Variants in TPTE2 observed in about 807,000 individuals in gnomAD.
TPTE2 encodes the protein transmembrane phosphoinositide 3-phosphatase and tensin homolog 2, also known as phosphatidylinositol 3,4,5-trisphosphate 3-phosphatase TPTE2.
TPTE2 carries 53 observed loss-of-function variants against 78.6 expected under a neutral mutation model. The ratio of observed to expected loss-of-function variants is 0.67; its 90% CI spans 0.54 to 0.85. The LOEUF (loss-of-function observed/expected upper bound fraction) is 0.85. Among genes scored for constraint, TPTE2 ranks in the 40% least tolerant of loss-of-function variants. The probability of loss-of-function intolerance (pLI) is 0.00; values close to 1 mark genes in which losing one functional copy is unlikely to be tolerated. For missense variants in TPTE2, 461 were observed against 623.0 expected (o/e 0.74, Z 2.77); for synonymous variants, 175 against 206.2 (o/e 0.85, Z 1.30).
intron 1 of TPTE2, 149 bp downstream of exon 4, chr13:19,503,074 GC>G (rs1386545712): frequency 1.9e-6 from 2 of 1,079,820 alleles, no homozygotes; most frequent in Non-Finnish European, 1.4e-6. Context: ...TCCACTGTGT[GC>G]ATGGGTTAGT....
intron 7 of TPTE2, among the ~76,000 whole-genome samples, chr13:19,466,298 G>C (rs1481494715): frequency 6.6e-6 from 1 of 152,194 alleles, no homozygotes; most frequent in Non-Finnish European, 1.5e-5. Context: ...CTAGCAAGCT[G>C]TCAAGTGATG....
chr13:19,462,820 C>T (rs112360622), intron 10 of TPTE2, among the ~76,000 whole-genome samples: 2 of 151,936 alleles, frequency 1.3e-5, no homozygotes, highest in Non-Finnish European at 2.9e-5. Context: ...GCTGGGATTA[C>T]AGGTGTGAGC....
At position 19,436,272 on chromosome 13, in the gene TPTE2, T is replaced by C. The variant is rs373033596; in HGVS notation, c.1070A>G (p.Asn357Ser). ...CTGAAATTTATTGCTGTGGGTTTTA[T>C]TGGTTCGCCTTTCTCCAAAATAATA... The change falls in exon 15 of 20, where the codon AAT becomes AGT. Residue 357 changes from asparagine to serine, a missense_variant. By Grantham distance (46) the Asn-to-Ser change is conservative (BLOSUM62 1). Coordinates refer to ENST00000400230, the Ensembl canonical transcript of TPTE2. The C allele has an allele frequency of 1.1e-5, 18 of 1,613,406 alleles. No individual in the cohort carries two copies. Among genetic ancestry groups the C allele is most frequent in the African/African-American group, 2.7e-5 (2 of 74,914 alleles).
At chr13:19,495,377 C>CTGCAAGCAGGATTCGCTTCTCCCT (rs1941012740) in intron 1 of TPTE2, among the ~76,000 whole-genome samples, 2 of 152,322 alleles carry the variant, frequency 1.3e-5, no homozygotes, top group African/African-American at 4.8e-5. Context: ...CTCCTTCTCG[C>CTGCAAGCAGGATTCGCTTCTCCCT]TGCAAGCAGG....
intron 3 of TPTE2, among the ~76,000 whole-genome samples, chr13:19,483,888 C>A (rs1880504012): frequency 6.6e-6 from 1 of 151,880 alleles, no homozygotes; most frequent in South Asian, 2.1e-4. Context: ...ATTAACTCGT[C>A]ATTTACATTA....
intron 1 of TPTE2, among the ~76,000 whole-genome samples, chr13:19,524,024 G>A (rs879259370): frequency 4.1e-4 from 62 of 152,278 alleles, no homozygotes; most frequent in African/African-American, 1.4e-3. Context: ...AAAAAGCTGG[G>A]AATGAGATGT....
chr13:19,495,375 C>T (rs147020744), intron 1 of TPTE2, among the ~76,000 whole-genome samples: 1 of 152,172 alleles, frequency 6.6e-6, no homozygotes, highest in Admixed American at 6.5e-5. Context: ...ATCTCCTTCT[C>T]GCTGCAAGCA....
At chr13:19,520,649 A>C (rs990020379) in intron 1 of TPTE2, among the ~76,000 whole-genome samples, 1 of 151,782 alleles carries the variant, frequency 6.6e-6, no homozygotes, top group Non-Finnish European at 1.5e-5. Flanking sequence ...CTTTGGTTTC[A>C]GTTTGCCCTT....
chr13:19,449,996 C>T (rs1878071172), intron 13 of TPTE2, 80 bp downstream of exon 16: 1 of 1,442,282 alleles, frequency 6.9e-7, no homozygotes, highest in East Asian at 2.3e-5. Context: ...ATATTAATAG[C>T]AATACGTATC....
At chr13:19,498,221 A>G (rs1304653809) in intron 1 of TPTE2, among the ~76,000 whole-genome samples, 1 of 152,142 alleles carries the variant, frequency 6.6e-6, no homozygotes, top group Non-Finnish European at 1.5e-5. Context: ...TGGAAAAAAC[A>G]CTGCAGGATA....
chr13:19,483,189 G>A (rs543634840), intron 3 of TPTE2, among the ~76,000 whole-genome samples: 1 of 152,314 alleles, frequency 6.6e-6, no homozygotes, highest in East Asian at 1.9e-4. Context: ...CCAATGGTTG[G>A]AGTGGCTGAG....
chr13:19,539,366 T>G (rs1351746658), upstream of TPTE2, among the ~76,000 whole-genome samples: 1 of 152,184 alleles, frequency 6.6e-6, no homozygotes, highest in East Asian at 1.9e-4. Flanking sequence ...ATTCTTGTGA[T>G]AGTGAGTAAG....
At chr13:19,556,194 T>C in the TPTE2 span, among the ~76,000 whole-genome samples, 1 of 152,152 alleles carries the variant, frequency 6.6e-6, no homozygotes, top group Admixed American at 6.5e-5. Flanking sequence ...TGCACTTCCT[T>C]TTTATCATAC....
rs143988516 is a variant in TPTE2, at chr13:19,439,227, C to G, written c.974-1074G>C. On this transcript the variant is annotated intron_variant, in intron 13 of 19. Transcript: ENST00000400230. ...AGAGCTCCTCCCAATAAACAAGGAT[C>G]AAGTACACAGCCAGCGGCACTGGCA... Among the ~76,000 whole-genome samples the G allele has an allele frequency of 6.2e-3, 949 of 152,206 alleles. 5 individuals are homozygous for G. Among genetic ancestry groups the G allele is most frequent in the Non-Finnish European group, 9.0e-3 (610 of 68,030 alleles).
chr13:19,552,809 G>C, the TPTE2 span: 1 of 220,282 alleles, frequency 4.5e-6, no homozygotes, highest in Non-Finnish European at 8.1e-6. Context: ...GTATTTTTCA[G>C]ACCTTGACAC....
intron 1 of TPTE2, among the ~76,000 whole-genome samples, chr13:19,496,707 G>A (rs1349750210): frequency 6.6e-6 from 1 of 152,156 alleles, no homozygotes; most frequent in African/African-American, 2.4e-5. Flanking sequence ...ATTGCAAATA[G>A]GATTTTCTCC....
intron 6 of TPTE2, among the ~76,000 whole-genome samples, chr13:19,473,463 G>C (rs1188890636): frequency 6.6e-6 from 1 of 152,144 alleles, no homozygotes; most frequent in African/African-American, 2.4e-5. Context: ...TCCAAAGGCA[G>C]AGGAGCATCA....
chr13:19,557,215 T>C, the TPTE2 span, among the ~76,000 whole-genome samples: 1 of 152,212 alleles, frequency 6.6e-6, no homozygotes, highest in African/African-American at 2.4e-5. Flanking sequence ...CTGGATTCGG[T>C]AATTGGTAGT....
upstream of TPTE2, among the ~76,000 whole-genome samples, chr13:19,539,947 C>A (rs1871392005): frequency 6.6e-6 from 1 of 152,064 alleles, no homozygotes; most frequent in South Asian, 2.1e-4. Flanking sequence ...GAGTTCAAGA[C>A]CAGTCGGACC....
Sources: allele counts gnomAD v4.1 joint callset (sites outside exome capture counted in the v4.1 genomes callset), GRCh38; gene constraint gnomAD v4.1.1; transcripts MANE v1.5; gene names NCBI Gene and HGNC (gene_info 2026-07-23, HGNC 2026-07-21).